The following SIKE1 variants were observed in gnomAD, a reference collection of about 807,000 sequenced individuals.
The protein encoded by SIKE1 is suppressor of IKBKE 1.
A neutral mutation model predicts 25.8 loss-of-function variants in SIKE1; 13 were observed. The observed-to-expected ratio is 0.50, with a 90% CI of 0.33 to 0.80. The LOEUF is 0.80. Ranked by LOEUF, SIKE1 falls within the 30% of genes least tolerant of loss-of-function variation. The pLI is 0.02. For synonymous variants in SIKE1, 86 were observed against 95.5 expected (o/e 0.90, Z 0.58); for missense variants, 222 against 252.4 (o/e 0.88, Z 0.82).
rs181177976 is a variant in SIKE1 at position 114,780,672 on chromosome 1, T to A, written c.-65A>T. ...GCGACTCGCTCAGATCTTCTGGGAG[T>A]CTGTCTCAGCATTACAGGCGTCATT... is the stretch of plus-strand genomic sequence containing the variant. On this transcript the variant is annotated 5_prime_UTR_variant, in exon 1 of 5. Coordinates refer to ENST00000060969, the MANE Select transcript of SIKE1 (RefSeq NM_025073.3). 5.4e-5 allele frequency: 77 copies of A among 1,416,014 alleles called. No homozygotes were observed. In the East Asian group the frequency reaches 1.8e-3, roughly 34 times the overall value. 87.7% of individuals were successfully genotyped at this position (1,416,014 alleles called of 1,614,324 possible).
At position 114,779,129 on chromosome 1, in the gene SIKE1, CAA is replaced by C. The variant is rs1662331676; in HGVS notation, c.408+11_408+12del. 1 of 1,607,992 alleles carries C rather than the reference CAA, an allele frequency of 6.2e-7. No individual in the cohort carries two copies. The highest frequency in any genetic ancestry group is 8.5e-7 in the Non-Finnish European group (1 of 1,179,192). ...CAATTTGGTTCATTTCGAATTTATTCAAAGTTTCTTACTGCAGAGTGAGACTG... is the reference window on the plus strand; with the variant it reads ...CAATTTGGTTCATTTCGAATTTATTCAGTTTCTTACTGCAGAGTGAGACTG... On this transcript the variant is annotated intron_variant, in intron 3 of 4. Transcript: ENST00000060969.
chr1:114,771,186 T>C lies in SIKE1; in HGVS notation c.*3085A>G, dbSNP rs573418155. On this transcript the variant is annotated 3_prime_UTR_variant, in exon 5 of 5. Coordinates refer to ENST00000060969, the MANE Select transcript of SIKE1 (RefSeq NM_025073.3). ...ACAGAACTGCACCTTTTCCTGTATA[T>C]AGTAAGAGTCACTGATTAAACATTA... The C allele has an allele frequency of 6.6e-5, 10 of 152,356 alleles. No individual in the cohort carries two copies. In the East Asian group the frequency reaches 1.9e-3, roughly 29 times the overall value. 9.4% of individuals were successfully genotyped at this position (152,356 alleles called of 1,614,324 possible).
chr1:114,775,795 T>G (rs1354300028), intron 4 of SIKE1, among the ~76,000 whole-genome samples: 1 of 152,164 alleles, frequency 6.6e-6, no homozygotes, highest in Non-Finnish European at 1.5e-5. Flanking sequence ...CTTAACAATT[T>G]TATGAGCACA....
chr1:114,778,166 CAGA>C (rs1029760584), intron 3 of SIKE1, among the ~76,000 whole-genome samples: 39 of 152,210 alleles, frequency 2.6e-4, no homozygotes, highest in Admixed American at 1.3e-4. Flanking sequence ...CTACATCTCA[CAGA>C]AGTAGTAGGC....
chr1:114,773,310 A>T lies in SIKE1; in HGVS notation c.*961T>A, dbSNP rs1662120274. 1 of 152,026 alleles carries T rather than the reference A, an allele frequency of 6.6e-6. No homozygotes were observed. Among genetic ancestry groups the T allele is most frequent in the South Asian group, 2.1e-4 (1 of 4,832 alleles). 9.4% of individuals were successfully genotyped at this position (152,026 alleles called of 1,614,324 possible). A position where few individuals can be genotyped will look rare whatever the true frequency, so the allele number is the denominator to read the frequency against. ...AAAAAAAAGAAAAAAGATAAAAAAA[A>T]ACCCTGCTTCTATGTAAACAAAAAA... On this transcript the variant is annotated 3_prime_UTR_variant, in exon 5 of 5. Transcript: ENST00000060969.
chr1:114,779,044 C>A, intron 3 of SIKE1, 98 bp downstream of exon 3: 1 of 1,448,570 alleles, frequency 6.9e-7, no homozygotes, highest in Non-Finnish European at 9.5e-7. Flanking sequence ...TCGACAAGAG[C>A]CAGACCCTAT....
chr1:114,772,255 G>A lies in SIKE1; in HGVS notation c.*2016C>T, dbSNP rs1333060144. Reference sequence around the variant, plus strand: ...CTTATCTTCTCAAAATGCAGTTTTTGTTAGAAAATATAATTTTGAACTAAG... The same window carrying A: ...CTTATCTTCTCAAAATGCAGTTTTTATTAGAAAATATAATTTTGAACTAAG... On this transcript the variant is annotated 3_prime_UTR_variant, in exon 5 of 5. Coordinates refer to ENST00000060969, the MANE Select transcript of SIKE1 (RefSeq NM_025073.3). 2.6e-5 allele frequency: 4 copies of A among 152,204 alleles called. No individual in the cohort carries two copies. The highest frequency in any genetic ancestry group is 7.2e-5 in the African/African-American group (3 of 41,530). The allele number at this position is 152,204 out of a possible 1,614,324, so 9.4% of individuals were successfully genotyped here. A position where few individuals can be genotyped will look rare whatever the true frequency, so the allele number is the denominator to read the frequency against.
rs1167528951 is a variant in SIKE1, at chr1:114,771,063, C to T, written c.*3208G>A. ...TCCATTTTTTCTTCCTTGCCTTCAA[C>T]ATGGCCATGACATTTGGCTTGGCAA... On this transcript the variant is annotated 3_prime_UTR_variant, in exon 5 of 5. Coordinates refer to ENST00000060969, the MANE Select transcript of SIKE1 (RefSeq NM_025073.3). The T allele has an allele frequency of 6.6e-6, 1 of 152,210 alleles. No individual in the cohort carries two copies. The highest frequency in any genetic ancestry group is 1.5e-5 in the Non-Finnish European group (1 of 68,024). The allele number at this position is 152,210 out of a possible 1,614,324, so 9.4% of individuals were successfully genotyped here. A position where few individuals can be genotyped will look rare whatever the true frequency, so the allele number is the denominator to read the frequency against.
In SIKE1 at chr1:114,780,457, G is replaced by A. The variant is rs771964431; in HGVS notation, c.151C>T (p.Pro51Ser). The change falls in exon 1 of 5, where the codon CCG (proline) becomes TCG (serine). Residue 51 changes from proline (P) to serine (S), a missense_variant. Coordinates refer to ENST00000060969, the MANE Select transcript of SIKE1 (RefSeq NM_025073.3). ...CCTACCCTCTGCCTGACCTGGTCCG[G>A]AAGCGCTGTCCCCGCCTCCCGCATA... is the stretch of plus-strand genomic sequence containing the variant. ...AAMREAGTAL[P>S]DQYQEDASDM... 3.0e-5 allele frequency: 48 copies of A among 1,612,780 alleles called. 1 individual carries two copies. The highest frequency in any genetic ancestry group is 5.3e-5 in the African/African-American group (4 of 74,852).
intron 3 of SIKE1, chr1:114,778,888 A>G: frequency 2.1e-6 from 1 of 486,256 alleles, no homozygotes; most frequent in Non-Finnish European, 3.6e-6. Context: ...CAAACAAACA[A>G]ACAAACAACC....
At chr1:114,777,816 T>G (rs1662288663) in intron 3 of SIKE1, among the ~76,000 whole-genome samples, 1 of 151,198 alleles carries the variant, frequency 6.6e-6, no homozygotes. Flanking sequence ...ATAAAAAGAT[T>G]TGAAATGGAA....
At chr1:114,779,005 C>T (rs1229421568) in intron 3 of SIKE1, 137 bp downstream of exon 3, 17 of 1,028,052 alleles carry the variant, frequency 1.7e-5, no homozygotes, top group Non-Finnish European at 1.7e-5. Flanking sequence ...TGCAGTGAGC[C>T]GAGATCGTGC....
intron 4 of SIKE1, 87 bp downstream of exon 4, chr1:114,776,259 A>G: frequency 3.7e-6 from 3 of 815,628 alleles, no homozygotes; most frequent in Admixed American, 3.8e-5. Context: ...AAACATCAAT[A>G]TATTACAGTG....
At position 114,779,170 on chromosome 1, in the gene SIKE1, A is replaced by G; in HGVS notation, c.380T>C (p.Val127Ala). 1 of 1,614,234 alleles carries G rather than the reference A, an allele frequency of 6.2e-7. No individual in the cohort carries two copies. Among genetic ancestry groups the G allele is most frequent in the Non-Finnish European group, 8.5e-7 (1 of 1,180,042 alleles). The change falls in exon 3 of 5, where the codon GTC (valine) becomes GCC (alanine). Residue 127 changes from valine to alanine, a missense_variant. By Grantham distance (64) the Val-to-Ala change is moderately conservative. Coordinates refer to ENST00000060969, the MANE Select transcript of SIKE1 (RefSeq NM_025073.3). ...VAKKAVDAEPVLKAHQSHSAE... is the reference protein window; with the variant it reads ...VAKKAVDAEPALKAHQSHSAE... The stretch of plus-strand genomic sequence containing the variant: ...AGAGTGAGACTGGTGAGCTTTCAGG[A>G]CTGGTTCAGCATCCACCGCTTTTTT...
chr1:114,774,308 T>C lies in SIKE1; in HGVS notation c.587A>G (p.Glu196Gly), dbSNP rs202098227. Residue 196 changes from glutamate (E) to glycine (G), a missense_variant, in exon 5 of 5, where the codon GAA (glutamate) becomes GGA (glycine). Coordinates refer to ENST00000060969, the MANE Select transcript of SIKE1 (RefSeq NM_025073.3). ...ISSESLQARKENSMDTASQAI... is the reference protein window; with the variant it reads ...ISSESLQARKGNSMDTASQAI... ...TTGGGAAGCAGTGTCCATTGAGTTTTCCTTTCTGGCTTGAAGAGACTCACT... is the reference window on the plus strand; with the variant it reads ...TTGGGAAGCAGTGTCCATTGAGTTTCCCTTTCTGGCTTGAAGAGACTCACT... 1.2e-5 allele frequency: 20 copies of C among 1,612,708 alleles called. No homozygotes were observed. The highest frequency in any genetic ancestry group is 6.7e-5 in the Admixed American group (4 of 59,958).
chr1:114,774,904 C>T (rs1222179970), intron 4 of SIKE1, among the ~76,000 whole-genome samples: 1 of 152,126 alleles, frequency 6.6e-6, no homozygotes, highest in East Asian at 1.9e-4. Flanking sequence ...TCATTGCCTA[C>T]ATCCATATAT....
At chr1:114,780,017 C>T (rs1026621701) in intron 2 of SIKE1, 93 bp downstream of exon 2, 8 of 865,410 alleles carry the variant, frequency 9.2e-6, no homozygotes, top group Admixed American at 2.2e-5. Flanking sequence ...ACTAAAAGTA[C>T]TGACCTGGAA....
intron 4 of SIKE1, 92 bp from the exon 5 acceptor site, chr1:114,774,464 T>C (rs1662158783): frequency 2.3e-6 from 2 of 856,442 alleles, no homozygotes; most frequent in East Asian, 2.9e-5. Flanking sequence ...CAGAAAACAT[T>C]ATTTTAATTT....
rs1468790681 is a variant in SIKE1 at position 114,770,685 on chromosome 1, G to C, written c.*3586C>G. ...CTTAAACACAGGAGTTAGGATACTG[G>C]GCAGCCAAAAGAGAAATGACAGATG... On this transcript the variant is annotated 3_prime_UTR_variant, in exon 5 of 5. Coordinates refer to ENST00000060969, the MANE Select transcript of SIKE1 (RefSeq NM_025073.3). 1 of 152,180 alleles carries C rather than the reference G, an allele frequency of 6.6e-6. No individual in the cohort carries two copies. The highest frequency in any genetic ancestry group is 1.5e-5 in the Non-Finnish European group (1 of 68,026). 9.4% of individuals were successfully genotyped at this position (152,180 alleles called of 1,614,324 possible).
Sources: allele counts gnomAD v4.1 joint callset (sites outside exome capture counted in the v4.1 genomes callset), GRCh38; gene constraint gnomAD v4.1.1; transcripts MANE v1.5; gene names NCBI Gene and HGNC (gene_info 2026-07-23, HGNC 2026-07-21).